Variants in NUDCD3 observed in about 807,000 individuals in gnomAD.
The protein encoded by NUDCD3 is NudC domain containing 3.
NUDCD3 carries 13 observed loss-of-function variants against 39.7 expected under a neutral mutation model. The ratio of observed to expected loss-of-function variants is 0.33; its 90% confidence interval spans 0.21 to 0.52. The LOEUF (loss-of-function observed/expected upper bound fraction) is 0.52. Ranked by LOEUF, NUDCD3 falls within the 20% of genes least tolerant of loss-of-function variation. The pLI is 0.96. For synonymous variants in NUDCD3, 175 were observed against 172.4 expected, an observed-to-expected ratio of 1.02 and a Z score of -0.12; for missense variants, 453 against 458.1, an observed-to-expected ratio of 0.99 and a Z score of 0.10.
intron 2 of NUDCD3, among the ~76,000 whole-genome samples, chr7:44,459,936 AAG>A (rs1249575855): frequency 6.6e-6 from 1 of 152,236 alleles, no homozygotes; most frequent in African/African-American, 2.4e-5. Flanking sequence ...TAAAGTCCCC[AAG>A]TGGTATAATA....
At chr7:44,445,480 T>C (rs1339055860) in intron 2 of NUDCD3, among the ~76,000 whole-genome samples, 2 of 152,224 alleles carry the variant, frequency 1.3e-5, no homozygotes, top group African/African-American at 4.8e-5. Flanking sequence ...TTGCACAGGT[T>C]CCTCCCTCTG....
chr7:44,459,179 T>C (rs1245910475), intron 2 of NUDCD3, among the ~76,000 whole-genome samples: 1 of 151,956 alleles, frequency 6.6e-6, no homozygotes, highest in African/African-American at 2.4e-5. Context: ...TATTCTATTG[T>C]AGATGGATTT....
chr7:44,449,257 G>A (rs1386832296), intron 2 of NUDCD3, among the ~76,000 whole-genome samples: 1 of 152,212 alleles, frequency 6.6e-6, no homozygotes, highest in Non-Finnish European at 1.5e-5. Context: ...AATCAGGAAA[G>A]TACAGAAGCC....
intron 2 of NUDCD3, among the ~76,000 whole-genome samples, chr7:44,429,399 G>C (rs1799307450): frequency 6.6e-6 from 1 of 152,162 alleles, no homozygotes; most frequent in Admixed American, 6.5e-5. Flanking sequence ...GGAGACAATG[G>C]GGTGATGTGC....
intron 2 of NUDCD3, among the ~76,000 whole-genome samples, chr7:44,450,878 C>G: frequency 6.6e-6 from 1 of 151,854 alleles, no homozygotes; most frequent in East Asian, 1.9e-4. Flanking sequence ...TGTGTTCTGC[C>G]AAAAGGCAGA....
At chr7:44,468,194 G>A (rs372669205) in intron 2 of NUDCD3, 45 of 1,600,608 alleles carry the variant, frequency 2.8e-5, no homozygotes, top group Admixed American at 6.7e-5. Context: ...TGCCGAGATC[G>A]CTCACAATGT....
At chr7:44,468,441 G>A (rs1305644004) in intron 2 of NUDCD3, 1 of 678,848 alleles carries the variant, frequency 1.5e-6, no homozygotes, top group Non-Finnish European at 2.4e-6. Flanking sequence ...ATCAGTGTCA[G>A]AGCTAGCAAC....
chr7:44,430,764 T>C (rs10240967), intron 2 of NUDCD3, among the ~76,000 whole-genome samples: 32,458 of 152,188 alleles, frequency 0.21, 3,815 homozygotes, highest in African/African-American at 0.26. Flanking sequence ...TGCAGTCACT[T>C]GGCCTATACC....
intron 2 of NUDCD3, among the ~76,000 whole-genome samples, chr7:44,448,826 G>A (rs980218480): frequency 1.3e-5 from 2 of 152,178 alleles, no homozygotes; most frequent in Admixed American, 1.3e-4. Flanking sequence ...GCTTCCTAAG[G>A]ATGTGCTCAT....
intron 2 of NUDCD3, among the ~76,000 whole-genome samples, chr7:44,449,460 T>C (rs1219919353): frequency 6.6e-6 from 1 of 152,114 alleles, no homozygotes; most frequent in Non-Finnish European, 1.5e-5. Flanking sequence ...AGACAAGGAC[T>C]GGGTGGAACT....
chr7:44,478,302 G>A lies in NUDCD3; in HGVS notation c.509+6666C>T, dbSNP rs1364158097. Among the ~76,000 whole-genome samples, 6 of 152,322 alleles carry A rather than the reference G, an allele frequency of 3.9e-5. No homozygotes were observed. The South Asian group carries it at 1.0e-3, about 26-fold the overall frequency. On this transcript the variant is annotated intron_variant, in intron 2 of 5. Coordinates refer to ENST00000355451, the MANE Select transcript of NUDCD3 (RefSeq NM_015332.4). ...GCGGTGGCTCACGCCTGTAATTCCA[G>A]CACTTTGGGAGACCGAGATGGGTGG...
chr7:44,404,430 C>T lies in NUDCD3; in HGVS notation c.786+10G>A. On this transcript the variant is annotated intron_variant, in intron 4 of 5. Coordinates refer to ENST00000355451, the MANE Select transcript of NUDCD3 (RefSeq NM_015332.4). Reference sequence around the variant, plus strand: ...ACCTGGGAGCCCTACACACAGGTGCCCAAACTTACCAAAACGCACTTCCCG... The same window carrying T: ...ACCTGGGAGCCCTACACACAGGTGCTCAAACTTACCAAAACGCACTTCCCG... The T allele has an allele frequency of 6.2e-7, 1 of 1,613,582 alleles. No homozygotes were observed. The highest frequency in any genetic ancestry group is 8.5e-7 in the Non-Finnish European group (1 of 1,179,684).
chr7:44,455,523 C>A (rs978726164), intron 2 of NUDCD3, among the ~76,000 whole-genome samples: 1 of 152,160 alleles, frequency 6.6e-6, no homozygotes, highest in Non-Finnish European at 1.5e-5. Context: ...CCCTCCAAGC[C>A]CAATCCTTCA....
chr7:44,489,439 T>A (rs1230198097), intron 1 of NUDCD3, among the ~76,000 whole-genome samples: 1 of 152,250 alleles, frequency 6.6e-6, no homozygotes, highest in East Asian at 1.9e-4. Context: ...CTTACCAACC[T>A]GCAGCATGCA....
At chr7:44,403,933 G>C (rs980480712) in intron 4 of NUDCD3, among the ~76,000 whole-genome samples, 1 of 152,226 alleles carries the variant, frequency 6.6e-6, no homozygotes, top group Non-Finnish European at 1.5e-5. Context: ...TCACAGGGGA[G>C]AAGGAGCTGA....
Position 44,484,854 on chromosome 7 carries a change from A to C in NUDCD3, c.509+114T>G, listed in dbSNP as rs141829847. 55 of 821,914 alleles carry C rather than the reference A, an allele frequency of 6.7e-5. No homozygotes were observed. The East Asian group carries it at 1.4e-3, about 21-fold the overall frequency. 50.9% of individuals were successfully genotyped at this position (821,914 alleles called of 1,614,324 possible). ...AGCAGTTTACAAACATGAAGAGCTA[A>C]ATAAATACTGAGATCAAGAATTAAT... On this transcript the variant is annotated intron_variant, in intron 2 of 5. Transcript: ENST00000355451.
At chr7:44,461,486 G>A (rs1800013531) in intron 2 of NUDCD3, among the ~76,000 whole-genome samples, 1 of 152,040 alleles carries the variant, frequency 6.6e-6, no homozygotes, top group South Asian at 2.1e-4. Flanking sequence ...CTCCCTGTGG[G>A]GGGAGGCACA....
chr7:44,466,956 GC>G (rs1282107142), intron 2 of NUDCD3, among the ~76,000 whole-genome samples: 1 of 152,218 alleles, frequency 6.6e-6, no homozygotes, highest in Non-Finnish European at 1.5e-5. Context: ...GAGAGCACTG[GC>G]CCTCCTTGGG....
At chr7:44,405,173 T>C (rs1798795563) in intron 3 of NUDCD3, among the ~76,000 whole-genome samples, 1 of 152,174 alleles carries the variant, frequency 6.6e-6, no homozygotes, top group Non-Finnish European at 1.5e-5. Flanking sequence ...CTCACCAATA[T>C]ACCACCAACA....
Sources: allele counts gnomAD v4.1 joint callset (sites outside exome capture counted in the v4.1 genomes callset), GRCh38; gene constraint gnomAD v4.1.1; transcripts MANE v1.5; gene names NCBI Gene and HGNC (gene_info 2026-07-23, HGNC 2026-07-21).